PAPPA: variants seen among roughly 807,000 people sequenced by gnomAD.
The protein encoded by PAPPA is pappalysin-1.
In PAPPA, 60 loss-of-function variants were observed where a neutral mutation model predicts 164.0. The observed-to-expected ratio is 0.37, with a 90% confidence interval of 0.30 to 0.45. PAPPA has a LOEUF of 0.45. Among genes scored for constraint, PAPPA ranks in the 20% least tolerant of loss-of-function variants. The pLI, the probability that PAPPA is intolerant of heterozygous loss-of-function variation, is 1.00. For synonymous variants in PAPPA, 875 were observed against 814.1 expected (o/e 1.07, Z -1.27); for missense variants, 1,782 against 2,087.3 (o/e 0.85, Z 2.85).
chr9:116,234,833 C>T, intron 6 of PAPPA, among the ~76,000 whole-genome samples: 1 of 152,188 alleles, frequency 6.6e-6, no homozygotes, highest in East Asian at 1.9e-4. Context: ...TACTTCTTTT[C>T]ATCTTAGGCA....
At chr9:116,357,200 G>A (rs1405286349) in intron 17 of PAPPA, among the ~76,000 whole-genome samples, 1 of 152,236 alleles carries the variant, frequency 6.6e-6, no homozygotes, top group Non-Finnish European at 1.5e-5. Flanking sequence ...TAGCTATGGA[G>A]CACTTGAAAC....
At position 116,265,779 on chromosome 9, in the gene PAPPA, C is replaced by T. The variant is rs112484682; in HGVS notation, c.2733-78C>T. On this transcript the variant is annotated intron_variant, in intron 7 of 21. Coordinates refer to ENST00000328252, the MANE Select transcript of PAPPA (RefSeq NM_002581.5). ...TGAGCAAGACTGATAGAACCTACTC[C>T]AGGGGATCAATTTTCCATTCTCTCT... The T allele has an allele frequency of 5.5e-5, 67 of 1,214,306 alleles. No homozygotes were observed. In the African/African-American group the frequency reaches 6.6e-4, roughly 12 times the overall value. 75.2% of individuals were successfully genotyped at this position (1,214,306 alleles called of 1,614,324 possible).
rs541946280 is a variant in PAPPA, at chr9:116,363,627, T to C, written c.4495+888T>C. On this transcript the variant is annotated intron_variant, in intron 18 of 21. Coordinates refer to ENST00000328252, the MANE Select transcript of PAPPA (RefSeq NM_002581.5). ...GGGCTGATTCCCTAATTGACCATGA[T>C]GAAAAGCCTAGGGAACTGAACATCC... is the stretch of plus-strand genomic sequence containing the variant. Among the ~76,000 whole-genome samples the C allele has an allele frequency of 2.3e-4, 35 of 152,276 alleles. 1 individual carries two copies. In the South Asian group the frequency reaches 6.4e-3, roughly 28 times the overall value.
At chr9:116,332,678 C>T (rs1846009883) in intron 12 of PAPPA, 1 of 476,882 alleles carries the variant, frequency 2.1e-6, no homozygotes, top group East Asian at 3.3e-5. Flanking sequence ...GGATAAGGGG[C>T]CAATGGCCAA....
intron 9 of PAPPA, chr9:116,286,845 C>T (rs1411674405): frequency 6.6e-6 from 1 of 151,024 alleles, no homozygotes; most frequent in African/African-American, 2.4e-5. Context: ...ATTTTTTTGT[C>T]CTCATAACAG....
At chr9:116,308,320 T>C (rs536136318) in intron 10 of PAPPA, among the ~76,000 whole-genome samples, 194 of 152,314 alleles carry the variant, frequency 1.3e-3, no homozygotes, top group Non-Finnish European at 2.0e-3. Flanking sequence ...CAGCCAGTAG[T>C]GATGAGAGCC....
intron 10 of PAPPA, among the ~76,000 whole-genome samples, chr9:116,323,741 C>G (rs1845888480): frequency 6.6e-6 from 1 of 152,144 alleles, no homozygotes; most frequent in Non-Finnish European, 1.5e-5. Flanking sequence ...TTGTTTGTTT[C>G]TTTGTTTGTT....
At chr9:116,223,294 C>T (rs544011217) in intron 5 of PAPPA, among the ~76,000 whole-genome samples, 43 of 152,272 alleles carry the variant, frequency 2.8e-4, no homozygotes, top group African/African-American at 1.0e-3. Flanking sequence ...TTTGGTCAAG[C>T]CTTGGCCTCC....
At chr9:116,256,232 G>A (rs1844926097) in intron 7 of PAPPA, among the ~76,000 whole-genome samples, 1 of 151,928 alleles carries the variant, frequency 6.6e-6, no homozygotes, top group African/African-American at 2.4e-5. Context: ...TGACTTTGGT[G>A]AGAAGTATAC....
intron 7 of PAPPA, among the ~76,000 whole-genome samples, chr9:116,265,483 C>T (rs1845056348): frequency 6.6e-6 from 1 of 152,174 alleles, no homozygotes; most frequent in South Asian, 2.1e-4. Context: ...TTTCCCACCT[C>T]TGTGCTTTTG....
At chr9:116,169,934 T>C (rs1843757669) in intron 1 of PAPPA, among the ~76,000 whole-genome samples, 1 of 152,110 alleles carries the variant, frequency 6.6e-6, no homozygotes, top group South Asian at 2.1e-4. Context: ...TTGGTTAATA[T>C]AATTATCATT....
At chr9:116,186,922 G>C (rs1247511620) in intron 1 of PAPPA, among the ~76,000 whole-genome samples, 1 of 152,050 alleles carries the variant, frequency 6.6e-6, no homozygotes, top group African/African-American at 2.4e-5. Flanking sequence ...GGTTAAAATT[G>C]TGATGAAAAT....
intron 9 of PAPPA, among the ~76,000 whole-genome samples, chr9:116,288,379 A>G (rs1016113632): frequency 6.6e-6 from 1 of 151,858 alleles, no homozygotes; most frequent in African/African-American, 2.4e-5. Context: ...GGTGTCAAAA[A>G]AAGAAAAAGA....
chr9:116,354,980 T>C (rs1378932547), intron 17 of PAPPA, among the ~76,000 whole-genome samples: 3 of 152,130 alleles, frequency 2.0e-5, no homozygotes. Flanking sequence ...TTGTACCTTT[T>C]TCAGCTGTCT....
intron 9 of PAPPA, among the ~76,000 whole-genome samples, chr9:116,284,850 C>T (rs148806513): frequency 2.6e-5 from 4 of 152,278 alleles, no homozygotes; most frequent in African/African-American, 4.8e-5. Context: ...CAGTCTCTCT[C>T]GCCCCATGAT....
intron 9 of PAPPA, among the ~76,000 whole-genome samples, chr9:116,297,800 C>T (rs1845528099): frequency 6.6e-6 from 1 of 152,166 alleles, no homozygotes; most frequent in Non-Finnish European, 1.5e-5. Flanking sequence ...CAACTCCAAC[C>T]TCATTATCAT....
intron 13 of PAPPA, among the ~76,000 whole-genome samples, chr9:116,340,316 T>C (rs1846120055): frequency 6.6e-6 from 1 of 152,244 alleles, no homozygotes; most frequent in Non-Finnish European, 1.5e-5. Context: ...GTAATGTTTA[T>C]CATTTTTGGA....
At chr9:116,268,806 A>C (rs879518199) in intron 8 of PAPPA, among the ~76,000 whole-genome samples, 4 of 138,386 alleles carry the variant, frequency 2.9e-5, no homozygotes, top group African/African-American at 8.0e-5. Context: ...TACTTTGTAG[A>C]AAACTAAATT....
At chr9:116,337,681 T>G (rs1846079120) in intron 13 of PAPPA, among the ~76,000 whole-genome samples, 1 of 151,332 alleles carries the variant, frequency 6.6e-6, no homozygotes, top group African/African-American at 2.4e-5. Flanking sequence ...CTCCCACCTC[T>G]CCATCTCCTC....
Sources: gnomAD v4.1 joint callset for allele counts (sites outside exome capture counted in the v4.1 genomes callset) on GRCh38, gnomAD v4.1.1 for gene constraint, MANE v1.5 for transcripts, NCBI Gene and HGNC (gene_info 2026-07-23, HGNC 2026-07-21) for gene names.